HYCC2: variants seen among roughly 807,000 people sequenced by gnomAD.
The protein encoded by HYCC2 is hyccin 2.
the HYCC2 span, among the ~76,000 whole-genome samples, chr2:201,019,699 G>A: frequency 3.1e-4 from 47 of 151,624 alleles, no homozygotes; most frequent in Non-Finnish European, 5.2e-4. Context: ...TCAGTCTACA[G>A]TGAGCTGTGT....
the HYCC2 span, among the ~76,000 whole-genome samples, chr2:201,064,393 C>T: frequency 1.3e-5 from 2 of 151,142 alleles, no homozygotes; most frequent in African/African-American, 4.9e-5. Flanking sequence ...TTTTAATGTG[C>T]TGTGTAAAGT....
the HYCC2 span, among the ~76,000 whole-genome samples, chr2:201,036,904 G>C: frequency 6.6e-6 from 1 of 152,120 alleles, no homozygotes; most frequent in Admixed American, 6.6e-5. Context: ...AGGGCAATCA[G>C]GCAAGAGAAA....
chr2:201,022,042 G>A, the HYCC2 span: 1 of 1,284,764 alleles, frequency 7.8e-7, no homozygotes, highest in Non-Finnish European at 1.0e-6. Flanking sequence ...TTAAGCTGCT[G>A]GTTAGGAGAG....
the HYCC2 span, among the ~76,000 whole-genome samples, chr2:201,059,808 G>A: frequency 1.3e-5 from 2 of 152,132 alleles, no homozygotes; most frequent in Non-Finnish European, 2.9e-5. Flanking sequence ...CACTTTGGGA[G>A]GCCGAGGCGG....
the HYCC2 span, among the ~76,000 whole-genome samples, chr2:201,012,671 G>A: frequency 3.3e-5 from 5 of 152,128 alleles, no homozygotes; most frequent in East Asian, 3.9e-4. Flanking sequence ...GCAGTCAGGC[G>A]TGGTGGCTCA....
the HYCC2 span, among the ~76,000 whole-genome samples, chr2:201,040,171 C>CAA: frequency 8.0e-5 from 6 of 75,424 alleles, no homozygotes; most frequent in Non-Finnish European, 1.7e-4. Flanking sequence ...GACTCTGTCT[C>CAA]AAAAAAAAAA....
At chr2:200,977,072 C>T in the HYCC2 span, 2 of 152,154 alleles carry the variant, frequency 1.3e-5, no homozygotes, top group Non-Finnish European at 2.9e-5. Context: ...TGTTATGTGG[C>T]AGAAAATAGT....
the HYCC2 span, among the ~76,000 whole-genome samples, chr2:200,986,506 C>T: frequency 6.6e-6 from 1 of 151,958 alleles, no homozygotes; most frequent in East Asian, 1.9e-4. Flanking sequence ...ATTCCTACGG[C>T]ATTACATGCA....
the HYCC2 span, chr2:201,017,156 GA>G: frequency 6.2e-7 from 1 of 1,612,546 alleles, no homozygotes; most frequent in Non-Finnish European, 8.5e-7. Context: ...GCTGATGGCA[GA>G]CAGGCTCCAG....
At chr2:201,025,319 C>T in the HYCC2 span, among the ~76,000 whole-genome samples, 4 of 152,030 alleles carry the variant, frequency 2.6e-5, no homozygotes, top group Admixed American at 6.6e-5. Context: ...ATCAACTATA[C>T]GGCAACCATT....
the HYCC2 span, among the ~76,000 whole-genome samples, chr2:200,982,286 G>A: frequency 6.7e-6 from 1 of 149,504 alleles, no homozygotes; most frequent in African/African-American, 2.5e-5. Context: ...CATAAGATGT[G>A]CAAAAGAGAC....
At chr2:200,992,905 G>A in the HYCC2 span, 3 of 1,606,176 alleles carry the variant, frequency 1.9e-6, no homozygotes, top group Non-Finnish European at 8.5e-7. Context: ...ATAAACCCCT[G>A]TGAGAAGTTG....
the HYCC2 span, among the ~76,000 whole-genome samples, chr2:200,998,306 C>T: frequency 1.3e-5 from 2 of 152,192 alleles, no homozygotes; most frequent in Admixed American, 1.3e-4. Flanking sequence ...TGCTTTAATG[C>T]TTGCTGCTCC....
At chr2:201,034,220 CT>C in the HYCC2 span, among the ~76,000 whole-genome samples, 6 of 152,094 alleles carry the variant, frequency 3.9e-5, no homozygotes, top group African/African-American at 1.4e-4. Flanking sequence ...TTATTAAGTA[CT>C]TTAAAAGACA....
At chr2:201,020,837 G>A in the HYCC2 span, among the ~76,000 whole-genome samples, 4 of 152,056 alleles carry the variant, frequency 2.6e-5, no homozygotes, top group Admixed American at 6.6e-5. Flanking sequence ...ATGCAATCTC[G>A]GCTCACTGCA....
chr2:201,022,955 A>C, the HYCC2 span: 1 of 1,458,312 alleles, frequency 6.9e-7, no homozygotes, highest in Non-Finnish European at 9.6e-7. Context: ...ACCAAAGGAA[A>C]ACAAAAGTGA....
the HYCC2 span, among the ~76,000 whole-genome samples, chr2:201,034,750 G>A: frequency 6.6e-6 from 1 of 152,094 alleles, no homozygotes; most frequent in South Asian, 2.1e-4. Context: ...GGTACCGGTT[G>A]TTCCTTTCCA....
chr2:201,010,600 C>G, the HYCC2 span, among the ~76,000 whole-genome samples: 4 of 151,966 alleles, frequency 2.6e-5, no homozygotes, highest in Non-Finnish European at 4.4e-5. Context: ...GTACTGAACA[C>G]CTAGAATACA....
chr2:200,981,404 A>T, the HYCC2 span: 1 of 1,614,148 alleles, frequency 6.2e-7, no homozygotes, highest in Non-Finnish European at 8.5e-7. This position sits in a 1 kb window ranked among gnomAD's most constrained non-coding sequence, Gnocchi z 4.5. Context: ...ACAGTTGAGT[A>T]TCGATTAGCA....
Sources: gnomAD v4.1 joint callset for allele counts (sites outside exome capture counted in the v4.1 genomes callset) on GRCh38, gnomAD v4.1.1 for gene constraint, Gnocchi (gnomAD v3.1) non-coding constraint, MANE v1.5 for transcripts, NCBI Gene and HGNC (gene_info 2026-07-23, HGNC 2026-07-21) for gene names.